KDM4C: variants seen among roughly 807,000 people sequenced by gnomAD.
KDM4C encodes the protein lysine demethylase 4C, also known as lysine-specific demethylase 4C.
KDM4C carries 81 observed loss-of-function variants against 129.3 expected under a neutral mutation model. The observed-to-expected ratio is 0.63, with a 90% CI of 0.52 to 0.75. The LOEUF (loss-of-function observed/expected upper bound fraction) is 0.75. KDM4C is among the 30% of genes least tolerant of loss of function. The pLI is 0.00. For synonymous variants in KDM4C, 573 were observed against 456.1 expected (o/e 1.26, Z -3.26); for missense variants, 1,457 against 1,304.0 (o/e 1.12, Z -1.81).
chr9:7,066,644 A>G (rs1351438956), intron 17 of KDM4C, among the ~76,000 whole-genome samples: 1 of 152,242 alleles, frequency 6.6e-6, no homozygotes, highest in Non-Finnish European at 1.5e-5. Flanking sequence ...TAAATTATTC[A>G]GAGCTCAGAG....
At chr9:7,157,988 AC>A (rs1843370627) in intron 19 of KDM4C, among the ~76,000 whole-genome samples, 1 of 152,046 alleles carries the variant, frequency 6.6e-6, no homozygotes, top group Admixed American at 6.5e-5. Flanking sequence ...CTGGTCCTGG[AC>A]TTTTTTTGGT....
At chr9:7,174,206 A>G (rs1191880648) in intron 21 of KDM4C, among the ~76,000 whole-genome samples, 1 of 152,266 alleles carries the variant, frequency 6.6e-6, no homozygotes, top group Non-Finnish European at 1.5e-5. Flanking sequence ...AAAGCTAAGT[A>G]GGAGTAAAGG....
At chr9:7,174,374 C>T (rs189113563) in intron 21 of KDM4C, among the ~76,000 whole-genome samples, 179 bp from the exon 22 acceptor site, 6 of 152,256 alleles carry the variant, frequency 3.9e-5, no homozygotes, top group African/African-American at 9.6e-5. Context: ...TAAATGGAGC[C>T]CCCCACTTTG....
chr9:7,122,212 A>G (rs1839556853), intron 18 of KDM4C, among the ~76,000 whole-genome samples: 1 of 150,362 alleles, frequency 6.7e-6, no homozygotes, highest in Non-Finnish European at 1.5e-5. Context: ...TGGTCTGAGC[A>G]GGAGGAAGAG....
intron 8 of KDM4C, among the ~76,000 whole-genome samples, chr9:6,931,590 A>T (rs1410826601): frequency 6.6e-6 from 1 of 151,996 alleles, no homozygotes; most frequent in Admixed American, 6.6e-5. Context: ...AGCCTCCATC[A>T]CCCAAGCTCA....
intron 4 of KDM4C, among the ~76,000 whole-genome samples, chr9:6,824,783 C>G (rs1286903905): frequency 6.6e-6 from 1 of 151,920 alleles, no homozygotes; most frequent in Non-Finnish European, 1.5e-5. Context: ...CTGTATTTCC[C>G]CAATTAAAAA....
chr9:7,157,666 G>T (rs148497700), intron 19 of KDM4C, among the ~76,000 whole-genome samples: 1,592 of 152,288 alleles, frequency 0.01, 27 homozygotes, highest in African/African-American at 0.036. Context: ...TTATTGATTT[G>T]CGTATGTTGA....
chr9:6,943,496 C>A lies in KDM4C; in HGVS notation c.922-37429C>A, dbSNP rs146972789. ...CGCCTAGTGGGGAGGATCGCCTGAG[C>A]CCAGGAGTTCTAGATCAGCCTGGGT... is the stretch of plus-strand genomic sequence containing the variant. On this transcript the variant is annotated intron_variant, in intron 8 of 21. Coordinates refer to ENST00000381309, the MANE Select transcript of KDM4C (RefSeq NM_015061.6). 4.7e-4 allele frequency among the ~76,000 whole-genome samples: 71 copies of A among 152,042 alleles called. No homozygotes were observed. In the East Asian group the frequency reaches 0.013, roughly 28 times the overall value.
At chr9:7,022,299 T>A (rs1279237423) in intron 15 of KDM4C, among the ~76,000 whole-genome samples, 2 of 152,222 alleles carry the variant, frequency 1.3e-5, no homozygotes, top group African/African-American at 4.8e-5. Flanking sequence ...GGATTATCTT[T>A]CCATTTTTTT....
intron 12 of KDM4C, among the ~76,000 whole-genome samples, chr9:6,993,951 T>C (rs972965855): frequency 6.0e-5 from 9 of 149,012 alleles, no homozygotes; most frequent in Admixed American, 2.7e-4. Context: ...TCTTCCTTTC[T>C]GTTCAGACCA....
At chr9:7,171,483 T>C (rs1392425333) in intron 21 of KDM4C, among the ~76,000 whole-genome samples, 2 of 152,158 alleles carry the variant, frequency 1.3e-5, no homozygotes, top group African/African-American at 4.8e-5. Context: ...TATTCCCAGC[T>C]CCTCCCGCTC....
In KDM4C at chr9:6,934,448, C is replaced by T. The variant is rs189646047; in HGVS notation, c.921+41216C>T. On this transcript the variant is annotated intron_variant, in intron 8 of 21. Transcript: ENST00000381309. Reference sequence around the variant, plus strand: ...TGAGCTGAGATCATGCCACCGCACTCGAGACTGGGTGACAGAGCAAGACCC... The same window carrying T: ...TGAGCTGAGATCATGCCACCGCACTTGAGACTGGGTGACAGAGCAAGACCC... Among the ~76,000 whole-genome samples the T allele has an allele frequency of 3.4e-3, 513 of 149,300 alleles. 2 individuals carry two copies. Among genetic ancestry groups the T allele is most frequent in the African/African-American group, 0.012 (482 of 40,460 alleles).
intron 3 of KDM4C, among the ~76,000 whole-genome samples, chr9:6,809,817 G>A (rs1213516229): frequency 6.6e-6 from 1 of 152,026 alleles, no homozygotes; most frequent in Non-Finnish European, 1.5e-5. Flanking sequence ...GGATAACATG[G>A]CAAAATCCAG....
intron 14 of KDM4C, 32 bp from the exon 15 acceptor site, chr9:7,015,821 C>T: frequency 6.9e-7 from 1 of 1,448,718 alleles, no homozygotes; most frequent in South Asian, 1.1e-5. Flanking sequence ...TGAAAAAGAC[C>T]TAACGCATGG....
chr9:7,056,457 T>C (rs951233974), intron 17 of KDM4C, among the ~76,000 whole-genome samples: 1 of 152,198 alleles, frequency 6.6e-6, no homozygotes, highest in African/African-American at 2.4e-5. Flanking sequence ...ATTGCTGTAA[T>C]ACCAAACCAT....
At chr9:6,823,654 C>T (rs769422232) in intron 4 of KDM4C, among the ~76,000 whole-genome samples, 1 of 152,228 alleles carries the variant, frequency 6.6e-6, no homozygotes, top group Non-Finnish European at 1.5e-5. Flanking sequence ...CCTACCCTCT[C>T]CTGTACCAGC....
chr9:6,790,308 T>G (rs1588280596), intron 1 of KDM4C, among the ~76,000 whole-genome samples: 1 of 151,962 alleles, frequency 6.6e-6, no homozygotes, highest in East Asian at 1.9e-4. Flanking sequence ...TGGCGTGATC[T>G]GGGCTCACTC....
chr9:6,924,785 C>T, intron 8 of KDM4C: 1 of 981,320 alleles, frequency 1.0e-6, no homozygotes, highest in Non-Finnish European at 1.2e-6. Context: ...GTTATTTTCC[C>T]TGTATATTCT....
chr9:7,052,773 C>T (rs1006182910), intron 17 of KDM4C, among the ~76,000 whole-genome samples: 3 of 151,912 alleles, frequency 2.0e-5, no homozygotes, highest in African/African-American at 7.3e-5. Context: ...TCAGTACCCA[C>T]GAGGTGGTGC....
Sources: allele counts gnomAD v4.1 joint callset (sites outside exome capture counted in the v4.1 genomes callset), GRCh38; gene constraint gnomAD v4.1.1; transcripts MANE v1.5; gene names NCBI Gene and HGNC (gene_info 2026-07-23, HGNC 2026-07-21).